Variants in PTPN13 observed in about 807,000 individuals in gnomAD.
PTPN13 encodes the protein protein tyrosine phosphatase non-receptor type 13, also known as tyrosine-protein phosphatase non-receptor type 13.
A neutral mutation model predicts 284.0 loss-of-function variants in PTPN13; 191 were observed. The observed-to-expected ratio is 0.67, with a 90% confidence interval of 0.60 to 0.76. The LOEUF (loss-of-function observed/expected upper bound fraction) is 0.76, where lower values mean the gene tolerates loss of function less well. PTPN13 is among the 30% of genes least tolerant of loss of function. The pLI, the probability that PTPN13 is intolerant of heterozygous loss-of-function variation, is 0.00. For synonymous variants in PTPN13, 986 were observed against 1,022.3 expected (o/e 0.96, Z 0.68); for missense variants, 2,797 against 2,939.9 (o/e 0.95, Z 1.12).
In PTPN13 at chr4:86,722,197, C is replaced by T; in HGVS notation, c.1386-15C>T. 2 of 1,595,116 alleles carry T rather than the reference C, an allele frequency of 1.3e-6. No individual in the cohort carries two copies. Among genetic ancestry groups the T allele is most frequent in the Non-Finnish European group, 1.7e-6 (2 of 1,163,178 alleles). On this transcript the variant is annotated splice_polypyrimidine_tract_variant and intron_variant, in intron 9 of 47. Coordinates refer to ENST00000411767, the MANE Select transcript of PTPN13 (RefSeq NM_080683.3). ...TTTCCTCCCAATCCTCACCTGTCTC[C>T]TCTTTTCTATATAGCAGACAATATG...
At position 86,807,583 on chromosome 4, in the gene PTPN13, G is replaced by A. The variant is rs780853215; in HGVS notation, c.6769G>A (p.Gly2257Arg). Residue 2257 changes from glycine (G) to arginine (R), a missense_variant, in exon 45 of 48, where the codon GGA becomes AGA. Gly to Arg is a moderately radical substitution (Grantham distance 125). Coordinates refer to ENST00000411767, the MANE Select transcript of PTPN13 (RefSeq NM_080683.3). The part of the protein sequence containing the change: ...LPYDATRVPL[G>R]DEGGYINASF... ...AGATGATGCTACAAGAGTGCCTCTT[G>A]GAGATGAAGGTGGCTATATCAATGC... The A allele has an allele frequency of 5.0e-6, 8 of 1,612,370 alleles. No homozygotes were observed. The African/African-American group carries it at 1.1e-4, about 22-fold the overall frequency.
rs1740551327 is a variant in PTPN13, at chr4:86,775,656, C to T, written c.5891+4C>T. On this transcript the variant is annotated splice_donor_region_variant and intron_variant, in intron 35 of 47. Coordinates refer to ENST00000411767, the MANE Select transcript of PTPN13 (RefSeq NM_080683.3). ...CATTGGTATTGAAAGCAACAAGGTA[C>T]TCTGCAATTATTTATGAGTTTTGAT... The T allele has an allele frequency of 7.5e-6, 12 of 1,603,916 alleles. No homozygotes were observed. Among genetic ancestry groups the T allele is most frequent in the Non-Finnish European group, 1.0e-5 (12 of 1,173,944 alleles).
intron 15 of PTPN13, among the ~76,000 whole-genome samples, chr4:86,738,456 T>C (rs527850974): frequency 1.3e-5 from 2 of 152,340 alleles, no homozygotes; most frequent in African/African-American, 4.8e-5. Flanking sequence ...CTTCCCTCAT[T>C]ACTATTTATG....
At chr4:86,664,685 G>GTTT (rs1206287710) in intron 2 of PTPN13, among the ~76,000 whole-genome samples, 1 of 152,266 alleles carries the variant, frequency 6.6e-6, no homozygotes, top group East Asian at 1.9e-4. Context: ...GGGAGATACA[G>GTTT]TTTTTATTGA....
chr4:86,749,099 T>C (rs1373387979), intron 17 of PTPN13, among the ~76,000 whole-genome samples: 1 of 152,228 alleles, frequency 6.6e-6, no homozygotes, highest in Non-Finnish European at 1.5e-5. Context: ...TAAACTTCAT[T>C]CTGATGCATG....
intron 31 of PTPN13, among the ~76,000 whole-genome samples, chr4:86,772,120 C>A (rs950480846): frequency 6.6e-6 from 1 of 152,116 alleles, no homozygotes; most frequent in Admixed American, 6.5e-5. Flanking sequence ...TTTTATTCTT[C>A]TTTCTTCTTT....
At chr4:86,725,740 T>G (rs1231306295) in intron 10 of PTPN13, among the ~76,000 whole-genome samples, 1 of 149,728 alleles carries the variant, frequency 6.7e-6, no homozygotes, top group Non-Finnish European at 1.5e-5. Flanking sequence ...ATGGGTAGAT[T>G]GCAAAAATTT....
intron 2 of PTPN13, among the ~76,000 whole-genome samples, chr4:86,670,494 C>T (rs1397819622): frequency 6.6e-6 from 1 of 151,768 alleles, no homozygotes; most frequent in Non-Finnish European, 1.5e-5. Flanking sequence ...TTCTGTCACT[C>T]CACATCCAGT....
At chr4:86,610,892 C>G (rs1765203426) in intron 1 of PTPN13, among the ~76,000 whole-genome samples, 1 of 152,070 alleles carries the variant, frequency 6.6e-6, no homozygotes, top group Admixed American at 6.5e-5. Flanking sequence ...TTCCAGCTGT[C>G]TGTTTTGATT....
chr4:86,632,944 G>T (rs1722621097), intron 1 of PTPN13, among the ~76,000 whole-genome samples: 1 of 151,834 alleles, frequency 6.6e-6, no homozygotes, highest in African/African-American at 2.4e-5. Flanking sequence ...TAATAGGTAG[G>T]ACTACAGTAG....
chr4:86,653,495 C>CTTTTT (rs561218570), intron 2 of PTPN13, among the ~76,000 whole-genome samples: 5,726 of 140,804 alleles, frequency 0.041, 142 homozygotes, highest in Non-Finnish European at 0.047. Context: ...CGCCTCAACT[C>CTTTTT]TTTTTTTTTT....
chr4:86,656,336 A>G (rs554037945), intron 2 of PTPN13, among the ~76,000 whole-genome samples: 1 of 152,252 alleles, frequency 6.6e-6, no homozygotes, highest in Non-Finnish European at 1.5e-5. Context: ...TAGAATTTTC[A>G]GCTTTTCTGC....
At chr4:86,602,186 T>G (rs1438528148) in intron 1 of PTPN13, among the ~76,000 whole-genome samples, 5 of 152,202 alleles carry the variant, frequency 3.3e-5, no homozygotes, top group Admixed American at 3.3e-4. Flanking sequence ...CTGTTTGATT[T>G]AGAGAAACAG....
intron 24 of PTPN13, 129 bp from the exon 25 acceptor site, chr4:86,764,464 G>T (rs1425105274): frequency 7.4e-6 from 5 of 674,026 alleles, no homozygotes; most frequent in Non-Finnish European, 9.1e-6. Flanking sequence ...TTGTCTTTCA[G>T]TAATAATTCA....
At chr4:86,606,977 A>T (rs1462371583) in intron 1 of PTPN13, among the ~76,000 whole-genome samples, 1 of 151,906 alleles carries the variant, frequency 6.6e-6, no homozygotes, top group Admixed American at 6.6e-5. Context: ...AAATAATGTT[A>T]TTCCAGCTGA....
chr4:86,739,646 CA>C (rs1451277227), intron 15 of PTPN13, among the ~76,000 whole-genome samples: 1 of 152,154 alleles, frequency 6.6e-6, no homozygotes, highest in Non-Finnish European at 1.5e-5. Context: ...CTCATGTCCT[CA>C]CATTTCAAAA....
intron 5 of PTPN13, among the ~76,000 whole-genome samples, chr4:86,691,420 A>G (rs1353699403): frequency 6.6e-6 from 1 of 152,178 alleles, no homozygotes; most frequent in East Asian, 1.9e-4. Context: ...GATCAGTTGG[A>G]ATCAGCATGT....
chr4:86,737,433 GT>G (rs1490332805), intron 15 of PTPN13, among the ~76,000 whole-genome samples: 1 of 151,764 alleles, frequency 6.6e-6, no homozygotes, highest in Non-Finnish European at 1.5e-5. Flanking sequence ...TATCATCTAT[GT>G]CTGCATTCAT....
chr4:86,779,417 CAAA>C (rs59094100), intron 35 of PTPN13, among the ~76,000 whole-genome samples: 4 of 122,486 alleles, frequency 3.3e-5, no homozygotes, highest in Non-Finnish European at 3.5e-5. Flanking sequence ...ACTCCGTCTC[CAAA>C]AAAAAAAAAA....
Sources: gnomAD v4.1 joint callset for allele counts (sites outside exome capture counted in the v4.1 genomes callset) on GRCh38, gnomAD v4.1.1 for gene constraint, MANE v1.5 for transcripts, NCBI Gene and HGNC (gene_info 2026-07-23, HGNC 2026-07-21) for gene names.